Variants in GAS7 observed in about 807,000 individuals in gnomAD.
The protein encoded by GAS7 is growth arrest-specific protein 7.
GAS7 carries 28 observed loss-of-function variants against 71.1 expected under a neutral mutation model. The ratio of observed to expected loss-of-function variants is 0.39; its 90% CI spans 0.29 to 0.54. GAS7 has a LOEUF of 0.54. GAS7 is among the 20% of genes least tolerant of loss of function. The pLI is 0.62. For missense variants in GAS7, 436 were observed against 627.8 expected (o/e 0.69, Z 3.27); for synonymous variants, 258 against 245.8 (o/e 1.05, Z -0.46).
intron 3 of GAS7, among the ~76,000 whole-genome samples, chr17:9,976,862 C>T (rs2070227328): frequency 6.6e-6 from 1 of 152,208 alleles, no homozygotes; most frequent in South Asian, 2.1e-4. Context: ...CCCAGAGGCT[C>T]AGAAAGGTAT....
At chr17:10,008,599 T>C (rs1414123770) in intron 2 of GAS7, among the ~76,000 whole-genome samples, 1 of 152,170 alleles carries the variant, frequency 6.6e-6, no homozygotes, top group African/African-American at 2.4e-5. Context: ...GTTATGCACG[T>C]AAGTATTACC....
chr17:10,070,745 G>C (rs2073332136), intron 1 of GAS7, among the ~76,000 whole-genome samples: 1 of 151,960 alleles, frequency 6.6e-6, no homozygotes, highest in Non-Finnish European at 1.5e-5. Context: ...GAAAATGCCA[G>C]CAAAGATGCC....
At chr17:10,071,892 G>A (rs1597773198) in intron 1 of GAS7, among the ~76,000 whole-genome samples, 1 of 146,736 alleles carries the variant, frequency 6.8e-6, no homozygotes, top group South Asian at 2.1e-4. Context: ...AGCCAAGATC[G>A]CACCACTGAA....
chr17:10,032,231 G>A (rs529274949), intron 1 of GAS7, among the ~76,000 whole-genome samples: 5 of 152,144 alleles, frequency 3.3e-5, no homozygotes, highest in South Asian at 4.2e-4. Context: ...CCCAATAGCC[G>A]GTTCCAGCTT....
At chr17:10,150,587 A>ATTTTT (rs1351385212) in intron 1 of GAS7, among the ~76,000 whole-genome samples, 1 of 40,528 alleles carries the variant, frequency 2.5e-5, no homozygotes, top group East Asian at 8.1e-4. Context: ...AGGCTGTTAC[A>ATTTTT]TTTCTTTTTT....
intron 1 of GAS7, among the ~76,000 whole-genome samples, chr17:10,029,347 A>G (rs2072552969): frequency 1.3e-5 from 2 of 152,224 alleles, no homozygotes; most frequent in Non-Finnish European, 2.9e-5. Flanking sequence ...AGTACTTAAG[A>G]GATGTACTTC....
At chr17:9,988,897 G>A (rs1018186481) in intron 2 of GAS7, among the ~76,000 whole-genome samples, 3 of 145,084 alleles carry the variant, frequency 2.1e-5, no homozygotes, top group South Asian at 4.3e-4. Flanking sequence ...TGCCCAGACC[G>A]GAGTACAGTG....
intron 1 of GAS7, among the ~76,000 whole-genome samples, chr17:10,127,735 C>G (rs1376957208): frequency 6.6e-6 from 1 of 152,204 alleles, no homozygotes; most frequent in Non-Finnish European, 1.5e-5. Flanking sequence ...CAGTCTCTGT[C>G]CCCCTAAACC....
At chr17:10,061,658 C>T (rs951236294) in intron 1 of GAS7, among the ~76,000 whole-genome samples, 1 of 152,192 alleles carries the variant, frequency 6.6e-6, no homozygotes, top group South Asian at 2.1e-4. Flanking sequence ...AATGCGGTGT[C>T]GTTAATGACA....
intron 7 of GAS7, among the ~76,000 whole-genome samples, chr17:9,940,441 C>T (rs894832338): frequency 6.6e-6 from 1 of 152,174 alleles, no homozygotes; most frequent in Non-Finnish European, 1.5e-5. Context: ...ACATTTTCTC[C>T]GGTCTCCTAG....
intron 1 of GAS7, among the ~76,000 whole-genome samples, chr17:10,192,188 G>T (rs147625084): frequency 6.6e-6 from 1 of 152,154 alleles, no homozygotes; most frequent in Non-Finnish European, 1.5e-5. Context: ...TCTGCCAGCC[G>T]CCACTTCTTC....
Position 9,912,092 on chromosome 17 carries a change from C to G in GAS7, c.*5136G>C, listed in dbSNP as rs114190599. 3.6e-3 allele frequency: 847 copies of G among 232,164 alleles called. 7 individuals carry two copies. The highest frequency in any genetic ancestry group is 0.018 in the African/African-American group (802 of 45,380). The allele number at this position is 232,164 out of a possible 1,614,324, so 14.4% of individuals were successfully genotyped here. Reference sequence around the variant, plus strand: ...GACTCCAGAACATACTATCAAAGATCGACGAATGAGATCCAAACGGTCATT... The same window carrying G: ...GACTCCAGAACATACTATCAAAGATGGACGAATGAGATCCAAACGGTCATT... On this transcript the variant is annotated 3_prime_UTR_variant, in exon 14 of 14. Coordinates refer to ENST00000432992, the MANE Select transcript of GAS7 (RefSeq NM_201433.2).
At chr17:9,977,023 T>C (rs1045005563) in intron 3 of GAS7, among the ~76,000 whole-genome samples, 2 of 152,208 alleles carry the variant, frequency 1.3e-5, no homozygotes, top group African/African-American at 4.8e-5. Flanking sequence ...ACTCATGACA[T>C]CTGAATAAAG....
chr17:10,145,013 C>A (rs1396053410), intron 1 of GAS7, among the ~76,000 whole-genome samples: 2 of 152,208 alleles, frequency 1.3e-5, no homozygotes, highest in African/African-American at 2.4e-5. Flanking sequence ...AAGGACGGAA[C>A]AATACATGAC....
rs531212566 is a variant in GAS7 at position 10,008,767 on chromosome 17, GCT to G, written c.304+11008_304+11009del. Among the ~76,000 whole-genome samples the G allele has an allele frequency of 1.9e-3, 282 of 148,724 alleles. 1 individual carries two copies. Among genetic ancestry groups the G allele is most frequent in the African/African-American group, 5.4e-3 (219 of 40,882 alleles). On this transcript the variant is annotated intron_variant, in intron 2 of 13. Transcript: ENST00000432992. ...TAGGCTTTATATAAATTAGGCTGGCGCTCTCTCTCTCTCTCTCTCACACACAC... is the reference window on the plus strand; with the variant it reads ...TAGGCTTTATATAAATTAGGCTGGCGCTCTCTCTCTCTCTCTCACACACAC...
chr17:10,036,583 GC>G, intron 1 of GAS7: 1 of 1,512,280 alleles, frequency 6.6e-7, no homozygotes, highest in South Asian at 1.3e-5. Context: ...CAAGTCGCTA[GC>G]CCAGGGCCAG....
At chr17:9,989,821 A>G (rs1384771119) in intron 2 of GAS7, among the ~76,000 whole-genome samples, 3 of 152,258 alleles carry the variant, frequency 2.0e-5, no homozygotes, top group African/African-American at 7.2e-5. Flanking sequence ...AACATCAAAC[A>G]TTCATTATTT....
intron 8 of GAS7, among the ~76,000 whole-genome samples, chr17:9,939,473 G>A (rs1258625440): frequency 1.3e-5 from 2 of 152,164 alleles, no homozygotes; most frequent in Admixed American, 1.3e-4. Flanking sequence ...CTCCCAGCCT[G>A]CCCCTAGACA....
At chr17:10,001,171 G>A (rs1046186394) in intron 2 of GAS7, among the ~76,000 whole-genome samples, 2 of 152,102 alleles carry the variant, frequency 1.3e-5, no homozygotes, top group South Asian at 4.1e-4. Flanking sequence ...AGGAAAGAGG[G>A]AAGAGGACAC....
Sources: gnomAD v4.1 joint callset for allele counts (sites outside exome capture counted in the v4.1 genomes callset) on GRCh38, gnomAD v4.1.1 for gene constraint, MANE v1.5 for transcripts, NCBI Gene and HGNC (gene_info 2026-07-23, HGNC 2026-07-21) for gene names.